Variants in QRICH2 observed in about 807,000 individuals in gnomAD.
QRICH2 encodes the protein glutamine rich 2, also known as glutamine-rich protein 2.
In QRICH2, 119 loss-of-function variants were observed where a neutral mutation model predicts 168.3. The observed-to-expected ratio is 0.71, with a 90% confidence interval of 0.61 to 0.82. The LOEUF is 0.82. Ranked by LOEUF, QRICH2 falls within the 40% of genes least tolerant of loss-of-function variation. The pLI is 0.00. For synonymous variants in QRICH2, 894 were observed against 951.2 expected, an observed-to-expected ratio of 0.94 and a Z score of 1.11; for missense variants, 2,241 against 2,491.6, an observed-to-expected ratio of 0.90 and a Z score of 2.14.
intron 7 of QRICH2, among the ~76,000 whole-genome samples, chr17:76,286,665 G>A (rs1350095756): frequency 6.6e-6 from 1 of 151,936 alleles, no homozygotes; most frequent in Non-Finnish European, 1.5e-5. Context: ...AAAAGATAGG[G>A]AAAGATCGTG....
At position 76,290,998 on chromosome 17, in the gene QRICH2, C is replaced by T. The variant is rs763146964; in HGVS notation, c.3712+17G>A. Reference sequence around the variant, plus strand: ...ACAGAGACAATGGTTTCTCCTCTATCGGCAAGCGGCACCCACCCATCTGTG... The same window carrying T: ...ACAGAGACAATGGTTTCTCCTCTATTGGCAAGCGGCACCCACCCATCTGTG... On this transcript the variant is annotated intron_variant, in intron 4 of 18. Coordinates refer to ENST00000680821, the MANE Select transcript of QRICH2 (RefSeq NM_001388453.1). 15 of 1,603,924 alleles carry T rather than the reference C, an allele frequency of 9.4e-6. No homozygotes were observed. The South Asian group carries it at 1.1e-4, about 12-fold the overall frequency.
intron 12 of QRICH2, among the ~76,000 whole-genome samples, chr17:76,279,667 C>A (rs2070750671): frequency 6.6e-6 from 1 of 152,194 alleles, no homozygotes; most frequent in East Asian, 1.9e-4. Flanking sequence ...CGGGCGCCCC[C>A]TGGCGGCCAC....
At chr17:76,286,029 G>T (rs1006818183) in intron 7 of QRICH2, among the ~76,000 whole-genome samples, 6 of 151,726 alleles carry the variant, frequency 4.0e-5, no homozygotes, top group African/African-American at 1.5e-4. Flanking sequence ...TGAAAAATTA[G>T]CCGGGCGTGG....
Position 76,308,173 on chromosome 17 carries a change from C to G in QRICH2, c.-175G>C, listed in dbSNP as rs527565544. On this transcript the variant is annotated 5_prime_UTR_variant, in exon 1 of 19. Transcript: ENST00000680821. ...TGCCTCCAGGGAATCTGCGCCTCCG[C>G]TCCCCGGCGGGGTCCGCGATGGCCA... The G allele has an allele frequency of 7.8e-5, 77 of 985,434 alleles. No individual in the cohort carries two copies. The African/African-American group carries it at 1.3e-3, about 17-fold the overall frequency. The allele number at this position is 985,434 out of a possible 1,614,324, so 61.0% of individuals were successfully genotyped here. A position where few individuals can be genotyped will look rare whatever the true frequency, so the allele number is the denominator to read the frequency against.
rs2070996331 is a variant in QRICH2, at chr17:76,291,692, AC to A, written c.3034del (p.Val1012TyrfsTer15). On this transcript the variant is annotated frameshift_variant, in exon 4 of 19. Coordinates refer to ENST00000680821, the MANE Select transcript of QRICH2 (RefSeq NM_001388453.1). LOFTEE classifies it high-confidence loss of function. ...ISVRPYQHGM[V>X]PPGREQYGQV... is the part of the protein sequence containing the mutation. ...GCCGTATTGTTCTCTGCCAGGAGGT[AC>A]CATACCATGTTGATATGGACGTACT... The A allele has an allele frequency of 1.2e-6, 2 of 1,614,166 alleles. No individual in the cohort carries two copies. The highest frequency in any genetic ancestry group is 2.7e-5 in the African/African-American group (2 of 75,054).
intron 1 of QRICH2, among the ~76,000 whole-genome samples, chr17:76,305,830 C>CT (rs1344888872): frequency 6.6e-6 from 1 of 152,130 alleles, no homozygotes; most frequent in East Asian, 1.9e-4. Context: ...AAACAAGTTA[C>CT]TTTTTATAAC....
chr17:76,307,755 C>T lies in QRICH2; in HGVS notation c.244G>A (p.Gly82Arg). Residue 82 changes from glycine (G) to arginine (R), a missense_variant, in exon 1 of 19, where the codon GGG becomes AGG. Coordinates refer to ENST00000680821, the MANE Select transcript of QRICH2 (RefSeq NM_001388453.1). This position sits in a 1 kb window ranked among gnomAD's most constrained non-coding sequence, Gnocchi z 5.3. ...HLPAPKEVPK[G>R]APREKRRGVG... ...CCCCTGCGCTTCTCCCGGGGCGCCC[C>T]CTTGGGCACCTCCTTGGGCGCGGGC... is the stretch of plus-strand genomic sequence containing the variant. 1 of 1,378,400 alleles carries T rather than the reference C, an allele frequency of 7.3e-7. No homozygotes were observed. Among genetic ancestry groups the T allele is most frequent in the East Asian group, 2.8e-5 (1 of 35,420 alleles). 85.4% of individuals were successfully genotyped at this position (1,378,400 alleles called of 1,614,324 possible). A position where few individuals can be genotyped will look rare whatever the true frequency, so the allele number is the denominator to read the frequency against.
At chr17:76,282,160 A>G in intron 7 of QRICH2, 45 bp from the exon 8 acceptor site, 1 of 1,560,436 alleles carries the variant, frequency 6.4e-7, no homozygotes, top group South Asian at 1.2e-5. Flanking sequence ...GAGGCCAGTC[A>G]CGGCCACGCT....
chr17:76,274,337 C>T, intron 18 of QRICH2, 77 bp from the exon 19 acceptor site: 1 of 1,458,940 alleles, frequency 6.9e-7, no homozygotes, highest in South Asian at 1.3e-5. Context: ...GCCCAATGCC[C>T]AGGGAGGTTG....
At position 76,287,186 on chromosome 17, in the gene QRICH2, C is replaced by T; in HGVS notation, c.4011+6G>A. The stretch of plus-strand genomic sequence containing the variant: ...TCCCTGGAGCTAAAGAGTGGGGAAT[C>T]CTCACCTGGTCCTGCAGGTAAAGGG... On this transcript the variant is annotated splice_donor_region_variant and intron_variant, in intron 7 of 18. Transcript: ENST00000680821. The T allele has an allele frequency of 1.2e-6, 2 of 1,605,468 alleles. No homozygotes were observed. Among genetic ancestry groups the T allele is most frequent in the South Asian group, 1.1e-5 (1 of 90,908 alleles).
At chr17:76,290,784 C>T (rs1054997347) in intron 4 of QRICH2, among the ~76,000 whole-genome samples, 6 of 152,114 alleles carry the variant, frequency 3.9e-5, no homozygotes, top group Non-Finnish European at 7.4e-5. Context: ...TGCAGAGAGC[C>T]TGACAAAGCC....
chr17:76,280,930 C>T lies in QRICH2; in HGVS notation c.4287G>A (p.Val1429=). The part of the protein sequence containing the change: ...QRQDEELLGR[V]QSAILQVQGD... ...CCTGCACCTGCAGGATGGCACTCTG[C>T]ACACGGCCCAGCAGCTCCTCGTCCT... The change falls in exon 9 of 19, where the codon GTG becomes GTA. Residue 1429 remains valine, a synonymous_variant. Coordinates refer to ENST00000680821, the MANE Select transcript of QRICH2 (RefSeq NM_001388453.1). This position sits in a 1 kb window ranked among gnomAD's most constrained non-coding sequence, Gnocchi z 7.4. 6.2e-7 allele frequency: 1 copy of T among 1,611,536 alleles called. No homozygotes were observed.
chr17:76,288,011 C>T (rs2070921803), intron 5 of QRICH2, 114 bp from the exon 6 acceptor site: 1 of 767,280 alleles, frequency 1.3e-6, no homozygotes, highest in African/African-American at 1.7e-5. Context: ...ACCCAACCCC[C>T]TCCGACAAAA....
chr17:76,290,892 A>T, intron 4 of QRICH2, 123 bp downstream of exon 4: 1 of 1,429,790 alleles, frequency 7.0e-7, no homozygotes, highest in African/African-American at 1.4e-5. Flanking sequence ...TCTGAATGAC[A>T]TGCTGTTTTC....
At chr17:76,286,856 C>T (rs1280044442) in intron 7 of QRICH2, among the ~76,000 whole-genome samples, 1 of 127,940 alleles carries the variant, frequency 7.8e-6, no homozygotes, top group Non-Finnish European at 1.6e-5. Flanking sequence ...GCCTGGATGA[C>T]GAGAGCGAAA....
chr17:76,301,716 T>TTTTTTC (rs2070903339), intron 3 of QRICH2, among the ~76,000 whole-genome samples: 1 of 148,656 alleles, frequency 6.7e-6, no homozygotes, highest in African/African-American at 2.5e-5. Context: ...TTTTTTTTTT[T>TTTTTTC]TTTTGAGACA....
At position 76,293,665 on chromosome 17, in the gene QRICH2, T is replaced by A. The variant is rs1235047674; in HGVS notation, c.1062A>T (p.Arg354Ser). ...GAACTGGACCAGGACGTGCATTTCT[T>A]CTTGGTTGTGTCGAGGTAAGCTTCT... ...SREKLTSTQP[R>S]RNARPGPVQQ... The change falls in exon 4 of 19, where the codon AGA becomes AGT. Residue 354 changes from arginine to serine, a missense_variant. Around this residue, in one of 3 missense-constraint regions of QRICH2, gnomAD observed 2,047 missense variants for 2,303.8 expected, o/e 0.89. Coordinates refer to ENST00000680821, the MANE Select transcript of QRICH2 (RefSeq NM_001388453.1). 6.2e-7 allele frequency: 1 copy of A among 1,614,092 alleles called. No individual in the cohort carries two copies. Among genetic ancestry groups the A allele is most frequent in the Non-Finnish European group, 8.5e-7 (1 of 1,180,050 alleles).
chr17:76,287,336 T>C (rs1470365095), intron 6 of QRICH2, 30 bp from the exon 7 acceptor site: 2 of 1,533,966 alleles, frequency 1.3e-6, no homozygotes, highest in Admixed American at 3.4e-5. Context: ...ACTGCCAGAC[T>C]CCACACTCAG....
In QRICH2 at chr17:76,287,225, A is replaced by T; in HGVS notation, c.3978T>A (p.Ser1326=). 1 of 1,614,122 alleles carries T rather than the reference A, an allele frequency of 6.2e-7. No homozygotes were observed. Among genetic ancestry groups the T allele is most frequent in the South Asian group, 1.1e-5 (1 of 91,088 alleles). Residue 1326 remains serine, a synonymous_variant, in exon 7 of 19, where the codon TCT becomes TCA. Coordinates refer to ENST00000680821, the MANE Select transcript of QRICH2 (RefSeq NM_001388453.1). ...QDRGKAAMEN[S]VSEASLYLQD... ...GCAGGTAAAGGGAGGCTTCAGAGACAGAATTTTCCATGGCAGCCTTGCCCC... is the reference window on the plus strand; with the variant it reads ...GCAGGTAAAGGGAGGCTTCAGAGACTGAATTTTCCATGGCAGCCTTGCCCC...
Sources: gnomAD v4.1 joint callset for allele counts (sites outside exome capture counted in the v4.1 genomes callset) on GRCh38, gnomAD v4.1.1 for gene constraint, gnomAD v4.1.1 regional missense constraint, Gnocchi (gnomAD v3.1) non-coding constraint, MANE v1.5 for transcripts, NCBI Gene and HGNC (gene_info 2026-07-23, HGNC 2026-07-21) for gene names.